The following FBXO4 variants were observed in gnomAD, a reference collection of about 807,000 sequenced individuals.
FBXO4 encodes the protein F-box only protein 4.
FBXO4 carries 36 observed loss-of-function variants against 43.7 expected under a neutral mutation model. That is an observed-to-expected ratio of 0.82 (90% CI 0.63 to 1.09). FBXO4 has a LOEUF of 1.09. Among genes scored for constraint, FBXO4 ranks in the 50% least tolerant of loss-of-function variants. The pLI is 0.00. For missense variants in FBXO4, 435 were observed against 474.1 expected (o/e 0.92, Z 0.77); for synonymous variants, 180 against 165.6 (o/e 1.09, Z -0.67).
At chr5:42,007,027 T>G in the FBXO4 span, among the ~76,000 whole-genome samples, 1 of 150,066 alleles carries the variant, frequency 6.7e-6, no homozygotes, top group East Asian at 1.9e-4. Flanking sequence ...CAATACTTAT[T>G]ATGTGTTGAA....
chr5:42,032,751 G>A, the FBXO4 span, among the ~76,000 whole-genome samples: 8 of 152,084 alleles, frequency 5.3e-5, no homozygotes, highest in African/African-American at 1.9e-4. Context: ...TACCTAAGGT[G>A]CAAGAAAAAG....
chr5:41,962,286 T>G, the FBXO4 span, among the ~76,000 whole-genome samples: 1 of 152,238 alleles, frequency 6.6e-6, no homozygotes, highest in South Asian at 2.1e-4. Flanking sequence ...TTGTTTCCAT[T>G]TTTTTGTTTT....
At chr5:42,009,571 T>C in the FBXO4 span, among the ~76,000 whole-genome samples, 1 of 152,194 alleles carries the variant, frequency 6.6e-6, no homozygotes, top group Admixed American at 6.5e-5. Context: ...TATTTCAAAA[T>C]GATTTTTTAA....
At chr5:41,945,596 G>T (rs888445747), downstream of FBXO4, among the ~76,000 whole-genome samples, 3 of 152,162 alleles carry the variant, frequency 2.0e-5, no homozygotes, top group African/African-American at 7.2e-5. Context: ...CAGTCAGGGA[G>T]GTTTCACATC....
chr5:42,035,814 T>C, the FBXO4 span, among the ~76,000 whole-genome samples: 1 of 152,148 alleles, frequency 6.6e-6, no homozygotes, highest in Admixed American at 6.6e-5. Flanking sequence ...TCACACAGGC[T>C]ATTAAAGAGA....
the FBXO4 span, among the ~76,000 whole-genome samples, chr5:41,985,069 C>A: frequency 6.6e-6 from 1 of 152,272 alleles, no homozygotes; most frequent in East Asian, 1.9e-4. Flanking sequence ...ACAACAAAAT[C>A]CTCTTTACAA....
chr5:41,969,784 G>A, the FBXO4 span, among the ~76,000 whole-genome samples: 3 of 152,062 alleles, frequency 2.0e-5, no homozygotes, highest in Admixed American at 2.0e-4. Flanking sequence ...TATATTACTT[G>A]CTGATGTCTT....
At chr5:41,956,548 T>A in the FBXO4 span, among the ~76,000 whole-genome samples, 2 of 152,152 alleles carry the variant, frequency 1.3e-5, no homozygotes, top group African/African-American at 2.4e-5. Context: ...TATTTTGACT[T>A]CATTTTTATA....
At chr5:42,014,128 G>A in the FBXO4 span, among the ~76,000 whole-genome samples, 1 of 152,148 alleles carries the variant, frequency 6.6e-6, no homozygotes, top group Non-Finnish European at 1.5e-5. Context: ...GACATTCAAT[G>A]AGGAGTCTTC....
the FBXO4 span, among the ~76,000 whole-genome samples, chr5:41,977,744 C>T: frequency 6.6e-6 from 1 of 152,136 alleles, no homozygotes; most frequent in Non-Finnish European, 1.5e-5. Context: ...TGGTCGCTGT[C>T]CATATTTCTA....
chr5:41,943,796 C>T (rs1471372412), downstream of FBXO4, among the ~76,000 whole-genome samples: 1 of 152,110 alleles, frequency 6.6e-6, no homozygotes, highest in East Asian at 1.9e-4. Context: ...AGTCCTAACT[C>T]CCAGTACACC....
chr5:41,993,495 T>C, the FBXO4 span, among the ~76,000 whole-genome samples: 2 of 151,944 alleles, frequency 1.3e-5, no homozygotes, highest in Admixed American at 1.3e-4. Flanking sequence ...AAATTTCAAC[T>C]ATATAATTCA....
At chr5:41,940,764 C>T (rs1405988015) in intron 6 of FBXO4, among the ~76,000 whole-genome samples, 1 of 152,120 alleles carries the variant, frequency 6.6e-6, no homozygotes, top group East Asian at 1.9e-4. Context: ...TAAAGTTTCC[C>T]CTTCTGAATG....
chr5:41,927,206 TA>T lies in FBXO4; in HGVS notation c.384del (p.Ser129LeufsTer43). The T allele has an allele frequency of 6.2e-7, 1 of 1,612,046 alleles. No homozygotes were observed. Among genetic ancestry groups the T allele is most frequent in the Non-Finnish European group, 8.5e-7 (1 of 1,179,472 alleles). On this transcript the variant is annotated frameshift_variant, in exon 2 of 7. Coordinates refer to ENST00000281623, the MANE Select transcript of FBXO4 (RefSeq NM_012176.3). LOFTEE classifies it high-confidence loss of function. ...GATCTAGAAATCTTAAAAAAGCCTATATCTGAGGTCACTGATGGTGCATTTT... is the reference window on the plus strand; with the variant it reads ...GATCTAGAAATCTTAAAAAAGCCTATTCTGAGGTCACTGATGGTGCATTTT... ...LPDLEILKKPISEVTDGAFFD... is the reference protein window; with the variant it reads ...LPDLEILKKPXSEVTDGAFFD...
chr5:42,025,012 G>A, the FBXO4 span, among the ~76,000 whole-genome samples: 6 of 152,094 alleles, frequency 3.9e-5, no homozygotes, highest in South Asian at 1.2e-3. Flanking sequence ...CAACAAATAT[G>A]GGAGTGCAGA....
chr5:41,971,708 T>C, the FBXO4 span, among the ~76,000 whole-genome samples: 19 of 152,186 alleles, frequency 1.2e-4, no homozygotes, highest in East Asian at 3.1e-3. Context: ...TTTTATAGTT[T>C]TGGTTCTATC....
the FBXO4 span, among the ~76,000 whole-genome samples, chr5:42,025,106 T>A: frequency 3.3e-5 from 5 of 150,686 alleles, no homozygotes; most frequent in East Asian, 9.8e-4. Flanking sequence ...CTCTATTTTT[T>A]GTTTTGTTTT....
At chr5:41,928,603 G>A (rs1187684177) in intron 2 of FBXO4, 4 of 152,268 alleles carry the variant, frequency 2.6e-5, no homozygotes, top group Non-Finnish European at 5.9e-5. Context: ...CAAAGTGCTG[G>A]GATTACAGGC....
downstream of FBXO4, among the ~76,000 whole-genome samples, chr5:41,946,174 C>CA (rs1752075172): frequency 6.6e-6 from 1 of 152,194 alleles, no homozygotes; most frequent in Non-Finnish European, 1.5e-5. Flanking sequence ...ACCCAGCTTT[C>CA]ACTGTCTTGT....
Sources: gnomAD v4.1 joint callset for allele counts (sites outside exome capture counted in the v4.1 genomes callset) on GRCh38, gnomAD v4.1.1 for gene constraint, MANE v1.5 for transcripts, NCBI Gene and HGNC (gene_info 2026-07-23, HGNC 2026-07-21) for gene names.